AIMP2: variants seen among roughly 807,000 people sequenced by gnomAD.
AIMP2 encodes the protein aminoacyl tRNA synthase complex-interacting multifunctional protein 2.
AIMP2 carries 20 observed loss-of-function variants against 23.4 expected under a neutral mutation model. That is an observed-to-expected ratio of 0.85 (90% CI 0.60 to 1.24). The LOEUF (loss-of-function observed/expected upper bound fraction) is 1.24. Ranked by LOEUF, AIMP2 falls within the 50% of genes most tolerant of loss-of-function variation. The probability of loss-of-function intolerance (pLI) is 0.00; values close to 1 mark genes in which losing one functional copy is unlikely to be tolerated. For synonymous variants in AIMP2, 210 were observed against 170.4 expected, an observed-to-expected ratio of 1.23 and a Z score of -1.81; for missense variants, 515 against 414.5, an observed-to-expected ratio of 1.24 and a Z score of -2.10.
intron 3 of AIMP2, 81 bp from the exon 4 acceptor site, chr7:6,023,222 T>C: frequency 6.8e-7 from 1 of 1,466,708 alleles, no homozygotes; most frequent in Non-Finnish European, 9.1e-7. Context: ...TGGTGTTTGG[T>C]GACTGTCCCC....
chr7:6,019,484 CAAA>C (rs71008351), intron 3 of AIMP2, among the ~76,000 whole-genome samples: 61 of 111,924 alleles, frequency 5.5e-4, no homozygotes, highest in South Asian at 9.2e-4. Flanking sequence ...GACTCCGTCT[CAAA>C]AAAAAAAAAA....
At chr7:6,012,711 C>A in intron 1 of AIMP2, 2 of 558,804 alleles carry the variant, frequency 3.6e-6, no homozygotes, top group South Asian at 3.6e-5. Context: ...AGGTGCCCCC[C>A]ACCAAGCCCA....
intron 3 of AIMP2, among the ~76,000 whole-genome samples, chr7:6,021,997 CCT>C (rs1787460595): frequency 1.3e-5 from 2 of 152,036 alleles, no homozygotes; most frequent in South Asian, 4.1e-4. Context: ...AAGACCAACC[CCT>C]CTTCCTCAGC....
At chr7:6,022,544 C>T (rs774515474) in intron 3 of AIMP2, 1 of 152,248 alleles carries the variant, frequency 6.6e-6, no homozygotes, top group Non-Finnish European at 1.5e-5. Context: ...ATACTGGCCA[C>T]ATAGCGATTT....
intron 2 of AIMP2, among the ~76,000 whole-genome samples, chr7:6,017,395 C>G (rs1440353530): frequency 4.6e-5 from 7 of 151,852 alleles, no homozygotes; most frequent in African/African-American, 1.7e-4. Flanking sequence ...TGGTGACAGG[C>G]ACCTGTAGTC....
At chr7:6,015,375 A>G in intron 2 of AIMP2, 23 bp downstream of exon 2, 1 of 1,610,998 alleles carries the variant, frequency 6.2e-7, no homozygotes. Flanking sequence ...TGAAAGCTGA[A>G]ACGTTAGTAG....
intron 1 of AIMP2, among the ~76,000 whole-genome samples, chr7:6,014,476 T>C (rs1241787877): frequency 7.1e-6 from 1 of 141,600 alleles, no homozygotes; most frequent in African/African-American, 2.7e-5. Flanking sequence ...CAGGCTGGTC[T>C]CAAACTCTTG....
At position 6,009,497 on chromosome 7, in the gene AIMP2, A is replaced by G. The variant is rs921676183; in HGVS notation, c.134A>G (p.Gln45Arg). The G allele has an allele frequency of 5.2e-6, 8 of 1,531,946 alleles. No individual in the cohort carries two copies. The highest frequency in any genetic ancestry group is 1.4e-5 in the African/African-American group (1 of 69,734). The allele number at this position is 1,531,946 out of a possible 1,614,324, so 94.9% of individuals were successfully genotyped here. Residue 45 changes from glutamine to arginine, a missense_variant and splice_region_variant, in exon 1 of 4, where the codon CAG (glutamine) becomes CGG (arginine). Physicochemically the swap from Gln to Arg is conservative, Grantham distance 43. Transcript: ENST00000223029. ...CCAGCGCCGGGCGCTGGCCACGTGC[A>G]GGTAGGAGCGCGGGGCCCCCCGCCC... ...YGPAPGAGHV[Q>R]EESNLSLQAL...
intron 3 of AIMP2, among the ~76,000 whole-genome samples, chr7:6,020,055 G>A (rs1034972233): frequency 2.6e-5 from 4 of 151,422 alleles, no homozygotes; most frequent in Non-Finnish European, 4.4e-5. Context: ...TCATGAAGGC[G>A]TCACTATAGC....
chr7:6,015,131 T>C lies in AIMP2; in HGVS notation c.136-15T>C, dbSNP rs1786938890. 6.2e-6 allele frequency: 10 copies of C among 1,614,056 alleles called. No individual in the cohort carries two copies. Among genetic ancestry groups the C allele is most frequent in the Non-Finnish European group, 7.6e-6 (9 of 1,179,960 alleles). On this transcript the variant is annotated splice_polypyrimidine_tract_variant and intron_variant, in intron 1 of 3. Coordinates refer to ENST00000223029, the MANE Select transcript of AIMP2 (RefSeq NM_006303.4). ...ATGGGAGAGGAAATGAACATTTGGCTGTTGGTTTGTTTAGGAAGAGTCTAA... is the reference window on the plus strand; with the variant it reads ...ATGGGAGAGGAAATGAACATTTGGCCGTTGGTTTGTTTAGGAAGAGTCTAA...
chr7:6,017,537 A>G (rs1436088598), intron 2 of AIMP2, among the ~76,000 whole-genome samples: 2 of 148,758 alleles, frequency 1.3e-5, no homozygotes, highest in African/African-American at 5.0e-5. Flanking sequence ...AAAAAAAAAA[A>G]GTGTCATTCC....
intron 3 of AIMP2, among the ~76,000 whole-genome samples, chr7:6,018,882 G>A (rs1787202503): frequency 6.6e-6 from 1 of 151,174 alleles, no homozygotes; most frequent in Non-Finnish European, 1.5e-5. Context: ...AAGATATGAG[G>A]CATAAAATAT....
Position 6,023,614 on chromosome 7 carries a change from C to T in AIMP2, c.886C>T (p.Pro296Ser). ...GATCGGAGGCTGCAGTGTGACAGTG[C>T]CAGCCAATGTGCAGAGGTGGATGAG... ...QQIGGCSVTV[P>S]ANVQRWMRSC... Residue 296 changes from proline (P) to serine (S), a missense_variant, in exon 4 of 4, where the codon CCA (proline) becomes TCA (serine). Pro to Ser is a moderately conservative substitution (Grantham distance 74). Coordinates refer to ENST00000223029, the MANE Select transcript of AIMP2 (RefSeq NM_006303.4). 1 of 1,614,144 alleles carries T rather than the reference C, an allele frequency of 6.2e-7. No individual in the cohort carries two copies. The highest frequency in any genetic ancestry group is 1.1e-5 in the South Asian group (1 of 91,086).
Position 6,018,968 on chromosome 7 carries a change from T to TACACACACACACACACAC in AIMP2, c.574+929_574+946dup, listed in dbSNP as rs59354100. Among the ~76,000 whole-genome samples the TACACACACACACACACAC allele has an allele frequency of 5.7e-3, 857 of 150,652 alleles. 4 individuals are homozygous for TACACACACACACACACAC. Among genetic ancestry groups the TACACACACACACACACAC allele is most frequent in the Middle Eastern group, 0.034 (10 of 294 alleles). On this transcript the variant is annotated intron_variant, in intron 3 of 3. Coordinates refer to ENST00000223029, the MANE Select transcript of AIMP2 (RefSeq NM_006303.4). The stretch of plus-strand genomic sequence containing the variant: ...TAAAAAGTTAAAATGTATCAAACCT[T>TACACACACACACACACAC]ACACACACACACACACACACACAAT...
chr7:6,014,724 TA>T (rs1786909183), intron 1 of AIMP2, among the ~76,000 whole-genome samples: 1 of 151,968 alleles, frequency 6.6e-6, no homozygotes, highest in Non-Finnish European at 1.5e-5. Flanking sequence ...TATTTTTTTT[TA>T]TTTTTATTTT....
In AIMP2 at chr7:6,023,536, G is replaced by A. The variant is rs770771902; in HGVS notation, c.808G>A (p.Ala270Thr). 18 of 1,614,214 alleles carry A rather than the reference G, an allele frequency of 1.1e-5. No homozygotes were observed. In the East Asian group the frequency reaches 2.7e-4, roughly 24 times the overall value. ...TGCTCTTGGGAAGAGCCCTTGGCTC[G>A]CTGGGAATGAACTCACCGTAGCAGA... ...NSALGKSPWL[A>T]GNELTVADVV... Residue 270 changes from alanine to threonine, a missense_variant, in exon 4 of 4, where the codon GCT becomes ACT. Coordinates refer to ENST00000223029, the MANE Select transcript of AIMP2 (RefSeq NM_006303.4).
rs1274158838 is a variant in AIMP2, at chr7:6,023,779, A to G, written c.*88A>G. 2 of 1,602,818 alleles carry G rather than the reference A, an allele frequency of 1.2e-6. No individual in the cohort carries two copies. Among genetic ancestry groups the G allele is most frequent in the Admixed American group, 1.7e-5 (1 of 57,976 alleles). ...CAGTAAGGGGACTTGTATTAGAGTC[A>G]GAGTCTTTTTATTTAGGCCAGTTGT... On this transcript the variant is annotated 3_prime_UTR_variant, in exon 4 of 4. Transcript: ENST00000223029.
In AIMP2 at chr7:6,023,392, G is replaced by C. The variant is rs1787589560; in HGVS notation, c.664G>C (p.Gly222Arg). 1.9e-6 allele frequency: 3 copies of C among 1,614,154 alleles called. No individual in the cohort carries two copies. The East Asian group carries it at 6.7e-5, about 36-fold the overall frequency. ...TGCACGTTTCTTGTTCTCTCTGTTTGGCCAGAAGCATAATGCTGTCAACGC... is the reference window on the plus strand; with the variant it reads ...TGCACGTTTCTTGTTCTCTCTGTTTCGCCAGAAGCATAATGCTGTCAACGC... ...NIARFLFSLF[G>R]QKHNAVNATL... is the part of the protein sequence containing the mutation. Residue 222 changes from glycine (G) to arginine (R), a missense_variant, in exon 4 of 4, where the codon GGC becomes CGC. Gly to Arg is a moderately radical substitution (Grantham distance 125). Coordinates refer to ENST00000223029, the MANE Select transcript of AIMP2 (RefSeq NM_006303.4).
intron 1 of AIMP2, among the ~76,000 whole-genome samples, chr7:6,009,974 A>AAAAAAAAAAAATATATATATATATAT: frequency 3.7e-5 from 1 of 26,674 alleles, no homozygotes; most frequent in Non-Finnish European, 6.8e-5. Flanking sequence ...AAAAAAAAAA[A>AAAAAAAAAAAATATATATATATATAT]ATATATATAT....
Sources: gnomAD v4.1 joint callset for allele counts (sites outside exome capture counted in the v4.1 genomes callset) on GRCh38, gnomAD v4.1.1 for gene constraint, MANE v1.5 for transcripts, NCBI Gene and HGNC (gene_info 2026-07-23, HGNC 2026-07-21) for gene names.